The following MYH10 variants were observed in gnomAD, a reference collection of about 807,000 sequenced individuals.
MYH10 encodes the protein myosin-10.
A neutral mutation model predicts 257.8 loss-of-function variants in MYH10; 55 were observed. That is an observed-to-expected ratio of 0.21 (90% confidence interval 0.17 to 0.27). MYH10 has a LOEUF of 0.27. MYH10 is among the 10% of genes least tolerant of loss of function. The pLI, the probability that MYH10 is intolerant of heterozygous loss-of-function variation, is 1.00. For missense variants in MYH10, 1,631 were observed against 2,500.6 expected, an observed-to-expected ratio of 0.65 and a Z score of 7.42; for synonymous variants, 854 against 921.7, an observed-to-expected ratio of 0.93 and a Z score of 1.33.
intron 21 of MYH10, among the ~76,000 whole-genome samples, chr17:8,516,344 T>C (rs2081468803): frequency 1.3e-5 from 2 of 152,262 alleles, no homozygotes; most frequent in South Asian, 4.1e-4. Flanking sequence ...GTAAGCACTA[T>C]TCTGCCTTTT....
intron 36 of MYH10, among the ~76,000 whole-genome samples, chr17:8,486,971 C>T (rs997289469): frequency 6.6e-6 from 1 of 152,206 alleles, no homozygotes. Context: ...AAGTTGCTCC[C>T]ATCCATCCTA....
intron 2 of MYH10, among the ~76,000 whole-genome samples, chr17:8,619,443 C>T (rs1157511187): frequency 6.6e-6 from 1 of 152,072 alleles, no homozygotes; most frequent in Non-Finnish European, 1.5e-5. Flanking sequence ...ATAGTTTTGA[C>T]CTTGTGTGCT....
At position 8,535,339 on chromosome 17, in the gene MYH10, A is replaced by G; in HGVS notation, c.1894+48T>C. 1.4e-6 allele frequency: 2 copies of G among 1,417,186 alleles called. No individual in the cohort carries two copies. Among genetic ancestry groups the G allele is most frequent in the Non-Finnish European group, 2.0e-6 (2 of 1,011,574 alleles). 87.8% of individuals were successfully genotyped at this position (1,417,186 alleles called of 1,614,324 possible). A position where few individuals can be genotyped will look rare whatever the true frequency, so the allele number is the denominator to read the frequency against. ...AAAGAACCATCTATAAACCTTAATT[A>G]TAAAAGATTCCAGCCAAGCATGATT... On this transcript the variant is annotated intron_variant, in intron 16 of 42. Coordinates refer to ENST00000360416, the MANE Select transcript of MYH10 (RefSeq NM_001256012.3). The surrounding 1 kb of genome is among the most constrained non-coding windows in gnomAD (Gnocchi z 4.3).
At chr17:8,531,626 A>G (rs527611653) in intron 16 of MYH10, among the ~76,000 whole-genome samples, 1 of 151,712 alleles carries the variant, frequency 6.6e-6, no homozygotes, top group South Asian at 2.1e-4. Context: ...CCTGGGGTCA[A>G]GCGATCCTTC....
chr17:8,549,440 T>C (rs1260182333), intron 9 of MYH10, among the ~76,000 whole-genome samples: 1 of 152,230 alleles, frequency 6.6e-6, no homozygotes, highest in Non-Finnish European at 1.5e-5. Context: ...CTTACTCTTT[T>C]GACAAATGCA....
Position 8,500,742 on chromosome 17 carries a change from C to G in MYH10, c.3744+84G>C, listed in dbSNP as rs1047932755. 6.6e-6 allele frequency: 10 copies of G among 1,509,490 alleles called. No individual in the cohort carries two copies. In the Admixed American group the frequency reaches 1.4e-4, roughly 22 times the overall value. 93.5% of individuals were successfully genotyped at this position (1,509,490 alleles called of 1,614,324 possible). On this transcript the variant is annotated intron_variant, in intron 29 of 42. Coordinates refer to ENST00000360416, the MANE Select transcript of MYH10 (RefSeq NM_001256012.3). ...AGGCTGGAGCCTAATCAATACATGA[C>G]TGAACAGAACGGGCAGATAGGATGG...
At chr17:8,499,223 G>C (rs941239452) in intron 30 of MYH10, 47 bp downstream of exon 30, 1 of 1,568,042 alleles carries the variant, frequency 6.4e-7, no homozygotes, top group Non-Finnish European at 8.7e-7. Context: ...GGTAAATTAG[G>C]GACATGCTAC....
In MYH10 at chr17:8,613,720, G is replaced by T. The variant is rs1224719928; in HGVS notation, c.346-8738C>A. 3.9e-5 allele frequency among the ~76,000 whole-genome samples: 6 copies of T among 152,274 alleles called. No individual in the cohort carries two copies. In the South Asian group the frequency reaches 8.3e-4, roughly 21 times the overall value. On this transcript the variant is annotated intron_variant, in intron 2 of 42. Transcript: ENST00000360416. ...TCAGAGGACAGATTTAAGCTAAAAT[G>T]TAACAGTCATTACATCACATGTACA...
At chr17:8,484,080 TGGAG>T in intron 37 of MYH10, 54 bp downstream of exon 37, 1 of 1,451,730 alleles carries the variant, frequency 6.9e-7, no homozygotes, top group Non-Finnish European at 9.2e-7. Flanking sequence ...TTTTTGATCT[TGGAG>T]AAATTTCAAG....
intron 17 of MYH10, among the ~76,000 whole-genome samples, chr17:8,529,254 G>A (rs954046265): frequency 6.6e-6 from 1 of 152,188 alleles, no homozygotes; most frequent in Non-Finnish European, 1.5e-5. Context: ...CTCTCTCAGC[G>A]ACTTAGTGAT....
chr17:8,546,769 GAAAT>G lies in MYH10; in HGVS notation c.1160-111_1160-108del, dbSNP rs139523187. The G allele has an allele frequency of 8.6e-4, 648 of 753,944 alleles. 7 individuals carry two copies. In the East Asian group the frequency reaches 0.016, roughly 18 times the overall value. The allele number at this position is 753,944 out of a possible 1,614,324, so 46.7% of individuals were successfully genotyped here. Reference sequence around the variant, plus strand: ...CTTAGTAACAATTAAATTGTATTAAGAAATAAATAAAAGTCTTAAAATCAGACAA... The same window carrying G: ...CTTAGTAACAATTAAATTGTATTAAGAAATAAAAGTCTTAAAATCAGACAA... On this transcript the variant is annotated intron_variant, in intron 11 of 42. Transcript: ENST00000360416.
At chr17:8,540,635 A>G (rs1293899636) in intron 14 of MYH10, among the ~76,000 whole-genome samples, 1 of 152,210 alleles carries the variant, frequency 6.6e-6, no homozygotes, top group Non-Finnish European at 1.5e-5. Flanking sequence ...AGCAAATTTT[A>G]TGGGTTCTCG....
Position 8,495,257 on chromosome 17 carries a change from G to A in MYH10, c.3952-16C>T, listed in dbSNP as rs1916399747. 1 of 1,511,132 alleles carries A rather than the reference G, an allele frequency of 6.6e-7. No homozygotes were observed. The highest frequency in any genetic ancestry group is 1.4e-5 in the African/African-American group (1 of 72,856). 93.6% of individuals were successfully genotyped at this position (1,511,132 alleles called of 1,614,324 possible). On this transcript the variant is annotated splice_polypyrimidine_tract_variant and intron_variant, in intron 30 of 42. Coordinates refer to ENST00000360416, the MANE Select transcript of MYH10 (RefSeq NM_001256012.3). ...CTAGCTCATTCTGTAAGGAGCAGAA[G>A]ATTAAATTCAACTCAATAGTAAGCA...
intron 2 of MYH10, among the ~76,000 whole-genome samples, chr17:8,610,546 T>C (rs373014364): frequency 2.0e-5 from 3 of 152,284 alleles, no homozygotes; most frequent in Admixed American, 1.3e-4. Context: ...GTGCTGGAAA[T>C]TTAATCCCCA....
Position 8,565,983 on chromosome 17 carries a change from C to T in MYH10, c.756+3737G>A, listed in dbSNP as rs1463101248. Among the ~76,000 whole-genome samples the T allele has an allele frequency of 2.0e-5, 3 of 152,162 alleles. 1 individual carries two copies. The highest frequency in any genetic ancestry group is 2.9e-5 in the Non-Finnish European group (2 of 68,024). ...AGGAACGATCTAGAGCAGGGTTTCTCGATCTTAGCATAACTGGTATTTTGG... is the reference window on the plus strand; with the variant it reads ...AGGAACGATCTAGAGCAGGGTTTCTTGATCTTAGCATAACTGGTATTTTGG... On this transcript the variant is annotated intron_variant, in intron 7 of 42. Coordinates refer to ENST00000360416, the MANE Select transcript of MYH10 (RefSeq NM_001256012.3).
chr17:8,532,608 GT>G (rs1231697693), intron 16 of MYH10, among the ~76,000 whole-genome samples: 1 of 152,090 alleles, frequency 6.6e-6, no homozygotes, highest in Non-Finnish European at 1.5e-5. Context: ...CTGACCTATT[GT>G]TGCCAAAGCC....
intron 21 of MYH10, among the ~76,000 whole-genome samples, chr17:8,517,290 T>C (rs2081503710): frequency 6.6e-6 from 1 of 152,226 alleles, no homozygotes; most frequent in Admixed American, 6.5e-5. Context: ...TCCACAAGTA[T>C]TGCCTTTACC....
At chr17:8,517,211 A>T (rs150494204) in intron 21 of MYH10, among the ~76,000 whole-genome samples, 102 of 152,294 alleles carry the variant, frequency 6.7e-4, no homozygotes, top group Non-Finnish European at 8.2e-4. Context: ...CAACCCGAAG[A>T]TATCATCTAT....
At chr17:8,585,295 T>TATATATATAC (rs1346662246) in intron 4 of MYH10, among the ~76,000 whole-genome samples, 1 of 141,204 alleles carries the variant, frequency 7.1e-6, no homozygotes, top group Non-Finnish European at 1.5e-5. Flanking sequence ...TGTGTATATA[T>TATATATATAC]ATATATATAT....
Sources: allele counts gnomAD v4.1 joint callset (sites outside exome capture counted in the v4.1 genomes callset), GRCh38; gene constraint gnomAD v4.1.1; non-coding constraint Gnocchi (gnomAD v3.1); transcripts MANE v1.5; gene names NCBI Gene and HGNC (gene_info 2026-07-23, HGNC 2026-07-21).